Variants in RYR3 observed in about 807,000 individuals in gnomAD.
The protein encoded by RYR3 is brain ryanodine receptor-calcium release channel.
A neutral mutation model predicts 584.3 loss-of-function variants in RYR3; 207 were observed. The ratio of observed to expected loss-of-function variants is 0.35; its 90% CI spans 0.32 to 0.40. The LOEUF is 0.40. RYR3 is among the 10% of genes least tolerant of loss of function. The probability of loss-of-function intolerance (pLI) is 1.00; values close to 1 mark genes in which losing one functional copy is unlikely to be tolerated. For synonymous variants in RYR3, 2,416 were observed against 2,248.5 expected (o/e 1.07, Z -2.11); for missense variants, 5,616 against 6,089.2 (o/e 0.92, Z 2.59).
At position 33,503,748 on chromosome 15, in the gene RYR3, C is replaced by T. The variant is rs377001481; in HGVS notation, c.279+10C>T. 1.9e-5 allele frequency: 29 copies of T among 1,564,174 alleles called. No homozygotes were observed. The highest frequency in any genetic ancestry group is 2.4e-5 in the Non-Finnish European group (27 of 1,138,908). On this transcript the variant is annotated intron_variant, in intron 3 of 103. Coordinates refer to ENST00000634891, the MANE Select transcript of RYR3 (RefSeq NM_001036.6). ...AAATGGCGGCGAAGGGGTGAGTACC[C>T]GAATTGTGTCCTAGGTTGGGATTGG...
rs560133207 is a variant in RYR3 at position 33,328,814 on chromosome 15, G to A, written c.51+17718G>A. Among the ~76,000 whole-genome samples, 7 of 152,126 alleles carry A rather than the reference G, an allele frequency of 4.6e-5. No homozygotes were observed. In the South Asian group the frequency reaches 8.3e-4, roughly 18 times the overall value. On this transcript the variant is annotated intron_variant, in intron 1 of 103. Coordinates refer to ENST00000634891, the MANE Select transcript of RYR3 (RefSeq NM_001036.6). Reference sequence around the variant, plus strand: ...AGTACTTTCTCCTCTTCCTTCTTATGCTTATTGATTCTTACTTCCTTCATC... The same window carrying A: ...AGTACTTTCTCCTCTTCCTTCTTATACTTATTGATTCTTACTTCCTTCATC...
At chr15:33,853,327 T>C (rs964986787) in intron 95 of RYR3, among the ~76,000 whole-genome samples, 2 of 152,206 alleles carry the variant, frequency 1.3e-5, no homozygotes, top group Non-Finnish European at 2.9e-5. Flanking sequence ...GTAGATGTTT[T>C]CTCCCCTGCA....
intron 2 of RYR3, among the ~76,000 whole-genome samples, chr15:33,478,021 C>G (rs557798826): frequency 6.6e-6 from 1 of 151,420 alleles, no homozygotes; most frequent in South Asian, 2.1e-4. Context: ...AAATGTGTTC[C>G]TAGGCACTAG....
chr15:33,375,971 G>A (rs1419030038), intron 1 of RYR3, among the ~76,000 whole-genome samples: 1 of 152,190 alleles, frequency 6.6e-6, no homozygotes, highest in Non-Finnish European at 1.5e-5. Context: ...GGCTGAGGCA[G>A]GAGAATGGCG....
intron 18 of RYR3, among the ~76,000 whole-genome samples, chr15:33,609,417 A>T (rs373503926): frequency 3.2e-4 from 48 of 152,320 alleles, no homozygotes; most frequent in East Asian, 2.5e-3. Flanking sequence ...GCACTTTGGG[A>T]GGCCGAGGTG....
intron 38 of RYR3, among the ~76,000 whole-genome samples, chr15:33,694,588 T>C (rs1183144979): frequency 1.3e-5 from 2 of 152,158 alleles, no homozygotes; most frequent in African/African-American, 4.8e-5. Flanking sequence ...TTAGGGTTTC[T>C]CCTCCAAAAT....
chr15:33,342,777 CAG>C (rs1204357262), intron 1 of RYR3, among the ~76,000 whole-genome samples: 1 of 152,184 alleles, frequency 6.6e-6, no homozygotes, highest in Non-Finnish European at 1.5e-5. Flanking sequence ...CTGCTGTACT[CAG>C]AGAATCAATC....
At position 33,738,421 on chromosome 15, in the gene RYR3, G is replaced by A. The variant is rs568306354; in HGVS notation, c.7516-29G>A. 14 of 1,594,484 alleles carry A rather than the reference G, an allele frequency of 8.8e-6. 1 individual carries two copies. Among genetic ancestry groups the A allele is most frequent in the South Asian group, 8.0e-5 (7 of 88,042 alleles). On this transcript the variant is annotated intron_variant, in intron 49 of 103. Transcript: ENST00000634891. ...CTGTGGACTTTCTCTATGCCACCCC[G>A]CTGGTCTGTCCTGTTCTGCACCTCC...
Position 33,646,545 on chromosome 15 carries a change from G to C in RYR3, c.3941+19G>C. ...AGAAAAGGTGAGGGTGAGGCCTCCA[G>C]TTCTCAGAGGCACTCATTGTATCTC... On this transcript the variant is annotated intron_variant, in intron 29 of 103. Transcript: ENST00000634891. 6.3e-7 allele frequency: 1 copy of C among 1,590,658 alleles called. No individual in the cohort carries two copies.
At chr15:33,547,860 G>T (rs1342091259) in intron 8 of RYR3, among the ~76,000 whole-genome samples, 2 of 152,216 alleles carry the variant, frequency 1.3e-5, no homozygotes, top group Non-Finnish European at 2.9e-5. Context: ...AGATGTTCTT[G>T]TTCCTGCCTT....
Position 33,631,254 on chromosome 15 carries a change from C to G in RYR3, c.2828C>G (p.Ala943Gly). 1 of 1,591,420 alleles carries G rather than the reference C, an allele frequency of 6.3e-7. No individual in the cohort carries two copies. The highest frequency in any genetic ancestry group is 8.6e-7 in the Non-Finnish European group (1 of 1,168,004). ...TGCCACATTGCTCATGTTAACCCAG[C>G]TGCTGAGGAGGATCTCAAGAAGGTC... ...LGCHIAHVNP[A>G]AEEDLKKVKL... is the part of the protein sequence containing the mutation. Residue 943 changes from alanine to glycine, a missense_variant, in exon 23 of 104, where the codon GCT becomes GGT. This residue lies in a region of RYR3 where 1,284 missense variants were observed against 1,344.6 expected (regional missense o/e 0.95). Transcript: ENST00000634891.
chr15:33,602,889 G>C (rs572809379), intron 17 of RYR3, among the ~76,000 whole-genome samples: 22 of 151,958 alleles, frequency 1.4e-4, no homozygotes, highest in African/African-American at 5.3e-4. Context: ...TGGACTATAG[G>C]TGTGCACCAC....
intron 31 of RYR3, among the ~76,000 whole-genome samples, chr15:33,649,541 A>G (rs1384883693): frequency 1.3e-5 from 2 of 152,196 alleles, no homozygotes; most frequent in Non-Finnish European, 2.9e-5. Context: ...CCCAGTTTCT[A>G]CAACATCAGA....
At chr15:33,500,250 T>G (rs1307758561) in intron 2 of RYR3, among the ~76,000 whole-genome samples, 1 of 152,166 alleles carries the variant, frequency 6.6e-6, no homozygotes, top group African/African-American at 2.4e-5. Context: ...GGTCTTCCTT[T>G]GTGTAATTAA....
At position 33,844,944 on chromosome 15, in the gene RYR3, C is replaced by T. The variant is rs775356788; in HGVS notation, c.13379C>T (p.Ala4460Val). ...TTTAATGACGAGGAAGAGGAAGAAG[C>T]GATGGTATTCTTTGTCCTTCAGGAG... ...NSFNDEEEEE[A>V]MVFFVLQEST... Residue 4460 changes from alanine (A) to valine (V), a missense_variant, in exon 93 of 104, where the codon GCG becomes GTG. Transcript: ENST00000634891. The T allele has an allele frequency of 8.1e-6, 13 of 1,613,940 alleles. No homozygotes were observed. The highest frequency in any genetic ancestry group is 6.7e-5 in the Admixed American group (4 of 60,022).
chr15:33,516,341 C>CTTT (rs200998411), intron 3 of RYR3, among the ~76,000 whole-genome samples: 2 of 144,264 alleles, frequency 1.4e-5, no homozygotes, highest in Non-Finnish European at 1.5e-5. Context: ...GTAAGATCTA[C>CTTT]TTTTTTTTTT....
intron 64 of RYR3, among the ~76,000 whole-genome samples, chr15:33,777,461 A>G (rs1003973543): frequency 6.6e-6 from 1 of 151,702 alleles, no homozygotes; most frequent in African/African-American, 2.4e-5. Context: ...ACTTTTACAG[A>G]CTTCTCAGTT....
At chr15:33,706,788 A>G (rs989506201) in intron 42 of RYR3, 131 bp from the exon 43 acceptor site, 15 of 782,734 alleles carry the variant, frequency 1.9e-5, no homozygotes, top group Non-Finnish European at 3.0e-5. Context: ...ACCATTTTAC[A>G]TTCTCACCAG....
At chr15:33,519,888 G>C (rs1464711308) in intron 3 of RYR3, among the ~76,000 whole-genome samples, 1 of 152,106 alleles carries the variant, frequency 6.6e-6, no homozygotes, top group Non-Finnish European at 1.5e-5. Flanking sequence ...TCAAGAAAAA[G>C]GCAAGATCGC....
Sources: gnomAD v4.1 joint callset for allele counts (sites outside exome capture counted in the v4.1 genomes callset) on GRCh38, gnomAD v4.1.1 for gene constraint, gnomAD v4.1.1 regional missense constraint, MANE v1.5 for transcripts, NCBI Gene and HGNC (gene_info 2026-07-23, HGNC 2026-07-21) for gene names.